Variants in NUTM2E observed in about 807,000 individuals in gnomAD.
NUTM2E encodes the protein family with sequence similarity 22, member E.
Under a neutral mutation model 26.1 loss-of-function variants are expected in NUTM2E, and 3 were observed. The observed-to-expected ratio is 0.12, with a 90% confidence interval of 0.05 to 0.30. The LOEUF (loss-of-function observed/expected upper bound fraction) is 0.30. Among genes scored for constraint, NUTM2E ranks in the 10% least tolerant of loss-of-function variants. NUTM2E has a pLI of 1.00. For missense variants in NUTM2E, 62 were observed against 381.3 expected, an observed-to-expected ratio of 0.16 and a Z score of 6.97; for synonymous variants, 13 against 157.5, an observed-to-expected ratio of 0.08 and a Z score of 6.87.
intron 5 of NUTM2E, among the ~76,000 whole-genome samples, chr10:79,845,609 G>A (rs1277657032): frequency 1.8e-4 from 18 of 100,876 alleles, no homozygotes; most frequent in African/African-American, 5.0e-4. Flanking sequence ...ACTCCCCAAA[G>A]CCACGGGCTC....
rs1841987725 is a variant in NUTM2E, at chr10:79,839,761, A to G, written c.-1980A>G. On this transcript the variant is annotated 5_prime_UTR_variant, in exon 4 of 10. Coordinates refer to ENST00000429984, the MANE Select transcript of NUTM2E (RefSeq NM_001355263.2). The stretch of plus-strand genomic sequence containing the variant: ...CCGCCATTCCTCTACTGGGTGGAGG[A>G]GCATGTGTCCTCTGAACAGGGGATC... 6.6e-6 allele frequency among the ~76,000 whole-genome samples: 1 copy of G among 150,924 alleles called. No individual in the cohort carries two copies. Among genetic ancestry groups the G allele is most frequent in the Non-Finnish European group, 1.5e-5 (1 of 67,780 alleles).
intron 1 of NUTM2E, among the ~76,000 whole-genome samples, chr10:79,836,473 A>C (rs1841964233): frequency 6.6e-6 from 1 of 151,962 alleles, no homozygotes; most frequent in Non-Finnish European, 1.5e-5. Context: ...TAGCTACATA[A>C]GAGTATTGTA....
chr10:79,838,073 C>G (rs1312123579), intron 1 of NUTM2E, among the ~76,000 whole-genome samples: 1 of 151,518 alleles, frequency 6.6e-6, no homozygotes, highest in African/African-American at 2.4e-5. Flanking sequence ...TAGAATCTCT[C>G]TTCCACAACA....
At chr10:79,828,332 T>C (rs1218384155) in intron 1 of NUTM2E, among the ~76,000 whole-genome samples, 1 of 151,912 alleles carries the variant, frequency 6.6e-6, no homozygotes. Flanking sequence ...GAATATACTT[T>C]GCTGAAGGTA....
At chr10:79,833,399 A>G (rs1841939114) in intron 1 of NUTM2E, among the ~76,000 whole-genome samples, 1 of 151,174 alleles carries the variant, frequency 6.6e-6, no homozygotes, top group Non-Finnish European at 1.5e-5. Flanking sequence ...GCACAGCAAA[A>G]GAAACTACCG....
At chr10:79,827,795 G>GTTTTTTTT (rs57414762) in intron 1 of NUTM2E, among the ~76,000 whole-genome samples, 5 of 127,750 alleles carry the variant, frequency 3.9e-5, no homozygotes, top group Non-Finnish European at 5.0e-5. Context: ...TTTTTTTTTT[G>GTTTTTTTT]TTTTTTTTTT....
intron 1 of NUTM2E, among the ~76,000 whole-genome samples, chr10:79,827,951 G>T (rs541661712): frequency 1.3e-5 from 2 of 151,356 alleles, no homozygotes; most frequent in African/African-American, 2.4e-5. Context: ...GCACCACCGC[G>T]CCCGGCTAAT....
intron 1 of NUTM2E, among the ~76,000 whole-genome samples, chr10:79,833,042 G>C (rs888192132): frequency 1.3e-5 from 2 of 151,742 alleles, no homozygotes; most frequent in Non-Finnish European, 2.9e-5. Context: ...TATTCAAATA[G>C]AAAACCAAAT....
chr10:79,836,103 T>G (rs2132416092), intron 1 of NUTM2E, among the ~76,000 whole-genome samples: 1 of 151,574 alleles, frequency 6.6e-6, no homozygotes, highest in Admixed American at 6.6e-5. Flanking sequence ...AAATTAGCTC[T>G]CTTGCGCAAG....
chr10:79,837,683 A>G (rs903991725), intron 1 of NUTM2E, among the ~76,000 whole-genome samples: 2 of 152,072 alleles, frequency 1.3e-5, no homozygotes, highest in Non-Finnish European at 2.9e-5. Context: ...ATTAGCTGTT[A>G]TCTACCTGTT....
intron 1 of NUTM2E, among the ~76,000 whole-genome samples, chr10:79,828,311 T>C (rs1184755231): frequency 6.6e-6 from 1 of 151,870 alleles, no homozygotes; most frequent in Non-Finnish European, 1.5e-5. Flanking sequence ...CCTAACACGA[T>C]AATGGAATCA....
chr10:79,827,796 T>TG (rs1491282554), intron 1 of NUTM2E, among the ~76,000 whole-genome samples: 11 of 2,192 alleles, frequency 5.0e-3, no homozygotes, highest in African/African-American at 7.5e-3. Context: ...TTTTTTTTTG[T>TG]TTTTTTTTTT....
chr10:79,848,962 T>C, intron 8 of NUTM2E, 67 bp downstream of exon 8: 1 of 587,370 alleles, frequency 1.7e-6, no homozygotes, highest in Non-Finnish European at 2.8e-6. Flanking sequence ...TCCTTGGAAT[T>C]AAGCTCTGTT....
At position 79,829,215 on chromosome 10, in the gene NUTM2E, A is replaced by G. The variant is rs569714444; in HGVS notation, c.-2728+1858A>G. On this transcript the variant is annotated intron_variant, in intron 1 of 9. Coordinates refer to ENST00000429984, the MANE Select transcript of NUTM2E (RefSeq NM_001355263.2). ...GTCTTCGTTGTGGGACAGGGGTGAT[A>G]TACTACAGTTCCACAGGGGCTGAGC... Among the ~76,000 whole-genome samples the G allele has an allele frequency of 2.0e-5, 3 of 151,822 alleles. No homozygotes were observed. In the South Asian group the frequency reaches 6.3e-4, roughly 32 times the overall value.
chr10:79,829,578 T>C (rs1841913635), intron 1 of NUTM2E, among the ~76,000 whole-genome samples: 1 of 151,868 alleles, frequency 6.6e-6, no homozygotes, highest in Admixed American at 6.6e-5. Context: ...TAAGAGAAAA[T>C]GGTATCTATG....
In NUTM2E at chr10:79,827,796, TTTTTTTTTTTTTG is replaced by T. The variant is rs1398464261; in HGVS notation, c.-2728+449_-2728+461del. On this transcript the variant is annotated intron_variant, in intron 1 of 9. Transcript: ENST00000429984. ...GAATTATTTAGTGGTTTTTTTTTTG[TTTTTTTTTTTTTG>T]TTTTTTTTTGTGATACGGAGTTTTG... is the stretch of plus-strand genomic sequence containing the variant. 9.1e-3 allele frequency among the ~76,000 whole-genome samples: 20 copies of T among 2,192 alleles called. No individual in the cohort carries two copies. The East Asian group carries it at 0.15, about 16-fold the overall frequency. 1.4% of individuals were successfully genotyped at this position (2,192 alleles called of 152,430 possible).
intron 1 of NUTM2E, among the ~76,000 whole-genome samples, chr10:79,837,635 C>T (rs1009714290): frequency 2.0e-5 from 3 of 151,954 alleles, no homozygotes; most frequent in South Asian, 2.1e-4. Context: ...ACAACAAACA[C>T]TTTGATTGTG....
Position 79,839,048 on chromosome 10 carries a change from TCA to T in NUTM2E, c.-2180_-2179del, listed in dbSNP as rs1315060256. ...CTTCCTGGGGCCAGACAACGCCCCC[TCA>T]TTGGAACCTCCATGACCGTGCCTCT... On this transcript the variant is annotated 5_prime_UTR_variant, in exon 3 of 10. An upstream open reading frame in the 5' UTR loses its in-frame stop. Transcript: ENST00000429984. Among the ~76,000 whole-genome samples, 1 of 150,580 alleles carries T rather than the reference TCA, an allele frequency of 6.6e-6. No individual in the cohort carries two copies. The highest frequency in any genetic ancestry group is 6.6e-5 in the Admixed American group (1 of 15,076).
intron 1 of NUTM2E, among the ~76,000 whole-genome samples, chr10:79,832,424 C>T (rs922707324): frequency 1.3e-4 from 20 of 151,516 alleles, no homozygotes; most frequent in African/African-American, 4.1e-4. Flanking sequence ...TTTGAATGTA[C>T]GATAGGAGCT....
Sources: allele counts gnomAD v4.1 joint callset (sites outside exome capture counted in the v4.1 genomes callset), GRCh38; gene constraint gnomAD v4.1.1; transcripts MANE v1.5; gene names NCBI Gene and HGNC (gene_info 2026-07-23, HGNC 2026-07-21).